Variants in NR3C1 observed in about 807,000 individuals in gnomAD.
The protein encoded by NR3C1 is nuclear receptor subfamily 3 group C member 1.
In NR3C1, 14 loss-of-function variants were observed where a neutral mutation model predicts 74.0. The ratio of observed to expected loss-of-function variants is 0.19; its 90% confidence interval spans 0.12 to 0.30. The LOEUF is 0.30. Among genes scored for constraint, NR3C1 ranks in the 10% least tolerant of loss-of-function variants. The pLI is 1.00. For missense variants in NR3C1, 695 were observed against 909.8 expected (o/e 0.76, Z 3.04); for synonymous variants, 308 against 332.5 (o/e 0.93, Z 0.80).
intron 2 of NR3C1, among the ~76,000 whole-genome samples, chr5:143,373,177 T>TAC (rs1834519433): frequency 6.6e-6 from 1 of 152,178 alleles, no homozygotes; most frequent in African/African-American, 2.4e-5. Context: ...GTTGTAGATG[T>TAC]GTATGCCTTG....
upstream of NR3C1, among the ~76,000 whole-genome samples, chr5:143,404,880 C>T (rs962708112): frequency 6.6e-6 from 1 of 152,168 alleles, no homozygotes; most frequent in Non-Finnish European, 1.5e-5. Context: ...CGACTCTGTG[C>T]GTTGCTCACC....
chr5:143,311,120 C>A (rs754469041), intron 3 of NR3C1, among the ~76,000 whole-genome samples: 4 of 152,184 alleles, frequency 2.6e-5, no homozygotes, highest in Non-Finnish European at 5.9e-5. Flanking sequence ...GTTTCAATTT[C>A]TTTTTGTACT....
rs72555799 is a variant in NR3C1, at chr5:143,435,412, A to G, written c.-894T>C. ...GCAGAAGTGAAAGTGATTCGCCTCT[A>G]CTCAAATGTCTGCATAGGCACAAGA... On this transcript the variant is annotated 5_prime_UTR_variant, in exon 1 of 9. Coordinates refer to the NR3C1 transcript ENST00000343796. 28 of 985,460 alleles carry G rather than the reference A, an allele frequency of 2.8e-5. No homozygotes were observed. The East Asian group carries it at 1.6e-3, about 56-fold the overall frequency. The allele number at this position is 985,460 out of a possible 1,614,324, so 61.0% of individuals were successfully genotyped here.
chr5:143,323,178 C>T (rs1473116400), intron 2 of NR3C1, among the ~76,000 whole-genome samples: 3 of 152,148 alleles, frequency 2.0e-5, no homozygotes, highest in East Asian at 1.9e-4. Context: ...CGCTCCCTGC[C>T]GGTTAGTCCC....
chr5:143,399,859 A>G lies in NR3C1; in HGVS notation c.981T>C (p.Ser327=). ...TGTCATAGTGGTACATCTGTCCTCC[A>G]GAGGTACTCACACCATGAACAGAAA... is the stretch of plus-strand genomic sequence containing the variant. ...SAISVHGVST[S]GGQMYHYDMN... is the part of the protein sequence containing the mutation. Residue 327 remains serine, a synonymous_variant, in exon 2 of 9, where the codon TCT becomes TCC. Coordinates refer to ENST00000394464, the MANE Select transcript of NR3C1 (RefSeq NM_000176.3). The G allele has an allele frequency of 6.2e-7, 1 of 1,614,238 alleles. No homozygotes were observed. The highest frequency in any genetic ancestry group is 8.5e-7 in the Non-Finnish European group (1 of 1,180,038).
chr5:143,333,797 CAAAA>C (rs1024017357), intron 2 of NR3C1, among the ~76,000 whole-genome samples: 42 of 151,852 alleles, frequency 2.8e-4, no homozygotes, highest in Admixed American at 2.4e-3. Flanking sequence ...AACAAACAAA[CAAAA>C]AACTATTGCT....
Position 143,280,511 on chromosome 5 carries a change from C to A in NR3C1, c.*1378G>T, listed in dbSNP as rs1320995637. The A allele has an allele frequency of 6.6e-6, 1 of 152,584 alleles. No individual in the cohort carries two copies. Among genetic ancestry groups the A allele is most frequent in the Non-Finnish European group, 1.5e-5 (1 of 68,038 alleles). The allele number at this position is 152,584 out of a possible 1,614,324, so 9.5% of individuals were successfully genotyped here. On this transcript the variant is annotated 3_prime_UTR_variant, in exon 9 of 9. Coordinates refer to ENST00000394464, the MANE Select transcript of NR3C1 (RefSeq NM_000176.3). ...GAGTTTACAGAAAGTTGGTAAGGTG[C>A]ACACAGAAAGGGCTACTACAGCTTC...
chr5:143,422,600 T>C (rs1317493057), intron 1 of NR3C1, among the ~76,000 whole-genome samples: 1 of 152,134 alleles, frequency 6.6e-6, no homozygotes, highest in Non-Finnish European at 1.5e-5. Flanking sequence ...GGGAGCTTCT[T>C]TACCCCTTCC....
In NR3C1 at chr5:143,400,694, G is replaced by A. The variant is rs552377230; in HGVS notation, c.146C>T (p.Ala49Val). ...CTTGGAGTCTGATTGAGAAGCGACA[G>A]CCAGTGAGGGTGAAGACGCAGAAAC... ...VKVSASSPSL[A>V]VASQSDSKQR... The change falls in exon 2 of 9, where the codon GCT becomes GTT. Residue 49 changes from alanine to valine, a missense_variant. Transcript: ENST00000394464. 154 of 1,614,136 alleles carry A rather than the reference G, an allele frequency of 9.5e-5. 2 individuals are homozygous for A. The South Asian group carries it at 1.6e-3, about 17-fold the overall frequency.
chr5:143,310,041 T>C, intron 4 of NR3C1, 56 bp downstream of exon 4: 3 of 1,301,732 alleles, frequency 2.3e-6, no homozygotes, highest in South Asian at 2.4e-5. Context: ...AAAAGTAAAA[T>C]GATAAATTTT....
intron 4 of NR3C1, among the ~76,000 whole-genome samples, chr5:143,306,699 T>C (rs2151585003): frequency 6.6e-6 from 1 of 152,242 alleles, no homozygotes; most frequent in Non-Finnish European, 1.5e-5. Flanking sequence ...AAAGGTGTTT[T>C]TAATAATCAG....
chr5:143,358,644 G>A (rs1030617380), intron 2 of NR3C1, among the ~76,000 whole-genome samples: 11 of 152,192 alleles, frequency 7.2e-5, no homozygotes, highest in Admixed American at 4.6e-4. Context: ...GCTCACGCCT[G>A]TAATCCCAGC....
chr5:143,365,662 C>G (rs1833058078), intron 2 of NR3C1, among the ~76,000 whole-genome samples: 1 of 152,194 alleles, frequency 6.6e-6, no homozygotes, highest in Non-Finnish European at 1.5e-5. Flanking sequence ...TATGTACCAA[C>G]ACACCTGTCA....
chr5:143,299,010 T>TTG (rs1817905611), intron 5 of NR3C1, among the ~76,000 whole-genome samples, 198 bp from the exon 6 acceptor site: 1 of 146,896 alleles, frequency 6.8e-6, no homozygotes, highest in African/African-American at 2.6e-5. Context: ...CTTGTGTTTT[T>TTG]TTTTTTTTTT....
chr5:143,386,324 G>A (rs564313555), intron 2 of NR3C1, among the ~76,000 whole-genome samples: 24 of 152,266 alleles, frequency 1.6e-4, no homozygotes, highest in African/African-American at 5.8e-4. Flanking sequence ...AAAAAAAGTT[G>A]CTATTTGTAA....
chr5:143,425,295 G>A (rs11167811), intron 1 of NR3C1, among the ~76,000 whole-genome samples: 146,183 of 152,258 alleles, frequency 0.96, 70,465 homozygotes, highest in Middle Eastern at 1. Context: ...TCAGAATCTC[G>A]GATTAGTCAA....
At chr5:143,332,526 C>T in intron 2 of NR3C1, 1 of 647,376 alleles carries the variant, frequency 1.5e-6, no homozygotes, top group South Asian at 2.1e-5. Flanking sequence ...GTAACCTGCA[C>T]ATCCTGCACA....
intron 1 of NR3C1, among the ~76,000 whole-genome samples, chr5:143,424,966 G>A (rs747006034): frequency 3.3e-5 from 5 of 152,068 alleles, no homozygotes; most frequent in East Asian, 1.9e-4. Flanking sequence ...GGCAAAGTTC[G>A]AGGACTCACA....
In NR3C1 at chr5:143,295,509, T is replaced by C; in HGVS notation, c.1974A>G (p.Val658=). The change falls in exon 7 of 9, where the codon GTA becomes GTG. Residue 658 remains valine, a synonymous_variant. Coordinates refer to ENST00000394464, the MANE Select transcript of NR3C1 (RefSeq NM_000176.3). ...TCATACAGAGATACTCTTCATAAGA[T>C]ACCTGAAGCCTGTGTAACTCAGAGG... The part of the protein sequence containing the change: ...YVSSELHRLQ[V]SYEEYLCMKT... The C allele has an allele frequency of 6.2e-7, 1 of 1,613,316 alleles. No individual in the cohort carries two copies. Among genetic ancestry groups the C allele is most frequent in the Non-Finnish European group, 8.5e-7 (1 of 1,179,474 alleles).
Sources: gnomAD v4.1 joint callset for allele counts (sites outside exome capture counted in the v4.1 genomes callset) on GRCh38, gnomAD v4.1.1 for gene constraint, MANE v1.5 for transcripts, NCBI Gene and HGNC (gene_info 2026-07-23, HGNC 2026-07-21) for gene names.